MED13L: variants seen among roughly 807,000 people sequenced by gnomAD.
The protein encoded by MED13L is mediator complex subunit 13L, also known as mediator of RNA polymerase II transcription subunit 13-like.
MED13L carries 7 observed loss-of-function variants against 220.9 expected under a neutral mutation model. That is an observed-to-expected ratio of 0.03 (90% CI 0.02 to 0.06). The LOEUF is 0.06. Ranked by LOEUF, MED13L falls within the 10% of genes least tolerant of loss-of-function variation. The probability of loss-of-function intolerance (pLI) is 1.00; values close to 1 mark genes in which losing one functional copy is unlikely to be tolerated. For synonymous variants in MED13L, 1,011 were observed against 1,015.2 expected (o/e 1.00, Z 0.08); for missense variants, 1,965 against 2,760.5 (o/e 0.71, Z 6.46).
intron 1 of MED13L, among the ~76,000 whole-genome samples, chr12:116,244,516 T>G (rs561661902): frequency 6.6e-6 from 1 of 152,274 alleles, no homozygotes; most frequent in African/African-American, 2.4e-5. Flanking sequence ...GTAAGAAAAC[T>G]GAATCCTAAA....
At chr12:116,153,967 A>G (rs975171009) in intron 2 of MED13L, among the ~76,000 whole-genome samples, 2 of 152,190 alleles carry the variant, frequency 1.3e-5, no homozygotes, top group Non-Finnish European at 2.9e-5. Flanking sequence ...TGAAAGGAAA[A>G]CTACTCAATA....
intron 4 of MED13L, among the ~76,000 whole-genome samples, chr12:116,092,781 GT>G (rs1190273910): frequency 1.3e-5 from 2 of 151,996 alleles, no homozygotes; most frequent in Non-Finnish European, 2.9e-5. Context: ...GGTGGGGGGG[GT>G]GTGTGCACAT....
chr12:116,189,987 T>C (rs551168077), intron 2 of MED13L, among the ~76,000 whole-genome samples: 1 of 152,262 alleles, frequency 6.6e-6, no homozygotes, highest in African/African-American at 2.4e-5. Flanking sequence ...ATGTAAACAG[T>C]CATGTTATCT....
intron 2 of MED13L, among the ~76,000 whole-genome samples, chr12:116,158,644 A>T (rs1348151099): frequency 6.6e-6 from 1 of 152,226 alleles, no homozygotes; most frequent in Non-Finnish European, 1.5e-5. Flanking sequence ...ATCTACCAAC[A>T]AAGTGACAGA....
chr12:116,119,899 A>G (rs1874891201), intron 2 of MED13L, among the ~76,000 whole-genome samples: 1 of 144,260 alleles, frequency 6.9e-6, no homozygotes, highest in African/African-American at 2.6e-5. Context: ...AGAAGTCTTA[A>G]GAATTTGTAG....
intron 2 of MED13L, among the ~76,000 whole-genome samples, chr12:116,136,037 G>A (rs1319704721): frequency 6.6e-6 from 1 of 151,908 alleles, no homozygotes; most frequent in African/African-American, 2.4e-5. Context: ...CGAGTAGCTG[G>A]GATTACAGGC....
At chr12:116,211,278 C>G (rs1273767763) in intron 2 of MED13L, among the ~76,000 whole-genome samples, 3 of 152,144 alleles carry the variant, frequency 2.0e-5, no homozygotes, top group Non-Finnish European at 4.4e-5. Flanking sequence ...GAAATGTGTT[C>G]TGACACCAGG....
chr12:115,987,983 T>C (rs892883444), intron 17 of MED13L, among the ~76,000 whole-genome samples: 2 of 152,144 alleles, frequency 1.3e-5, no homozygotes, highest in Non-Finnish European at 2.9e-5. Flanking sequence ...CGCTTGGACA[T>C]ACGTATTTTT....
At chr12:116,041,698 G>A (rs548709828) in intron 4 of MED13L, among the ~76,000 whole-genome samples, 19 of 152,284 alleles carry the variant, frequency 1.2e-4, no homozygotes, top group Non-Finnish European at 1.5e-5. Context: ...AGCTGGGTGT[G>A]GTGGCAAGAA....
At chr12:116,242,995 A>T (rs1189043121) in intron 1 of MED13L, among the ~76,000 whole-genome samples, 1 of 152,172 alleles carries the variant, frequency 6.6e-6, no homozygotes. Flanking sequence ...AAAGTTCATA[A>T]ATCTTTCTTT....
At chr12:115,999,923 T>C (rs1326841641) in intron 14 of MED13L, among the ~76,000 whole-genome samples, 2 of 152,310 alleles carry the variant, frequency 1.3e-5, no homozygotes, top group Middle Eastern at 3.4e-3. Flanking sequence ...GTCTTTATCA[T>C]TGTTACTATC....
At chr12:116,234,179 T>C (rs1869844882) in intron 2 of MED13L, among the ~76,000 whole-genome samples, 1 of 152,128 alleles carries the variant, frequency 6.6e-6, no homozygotes, top group South Asian at 2.1e-4. Context: ...ATAATGGTAA[T>C]GTCATGCTTA....
intron 4 of MED13L, among the ~76,000 whole-genome samples, chr12:116,062,166 T>C (rs1869551043): frequency 6.6e-6 from 1 of 152,120 alleles, no homozygotes; most frequent in Non-Finnish European, 1.5e-5. Flanking sequence ...GTTTTTTGTT[T>C]TTTTGAGATG....
intron 14 of MED13L, 80 bp from the exon 15 acceptor site, chr12:115,997,310 T>C: frequency 8.7e-7 from 1 of 1,154,848 alleles, no homozygotes; most frequent in African/African-American, 1.5e-5. Context: ...GCGCACTCTT[T>C]GGCACCAAAA....
At chr12:116,007,891 C>G (rs1057495854) in intron 10 of MED13L, 3 of 503,008 alleles carry the variant, frequency 6.0e-6, no homozygotes, top group African/African-American at 5.8e-5. Flanking sequence ...GTGTCATTTA[C>G]TAACTGCATG....
At chr12:116,069,609 T>C (rs1433871129) in intron 4 of MED13L, among the ~76,000 whole-genome samples, 1 of 152,204 alleles carries the variant, frequency 6.6e-6, no homozygotes, top group African/African-American at 2.4e-5. Flanking sequence ...TTTGTGAATA[T>C]AGTATTTGAT....
At chr12:116,167,901 A>G (rs1394580252) in intron 2 of MED13L, among the ~76,000 whole-genome samples, 1 of 152,210 alleles carries the variant, frequency 6.6e-6, no homozygotes, top group Non-Finnish European at 1.5e-5. Context: ...AAACAAGTTT[A>G]TTTAATGATG....
At chr12:115,969,752 G>C (rs1876451324) in intron 27 of MED13L, among the ~76,000 whole-genome samples, 1 of 151,992 alleles carries the variant, frequency 6.6e-6, no homozygotes, top group South Asian at 2.1e-4. Flanking sequence ...TCAAATTCCT[G>C]ACCTCAAGGG....
chr12:116,130,893 C>G (rs1343892966), intron 2 of MED13L, among the ~76,000 whole-genome samples: 1 of 151,504 alleles, frequency 6.6e-6, no homozygotes, highest in Non-Finnish European at 1.5e-5. Flanking sequence ...TAAGAATTAA[C>G]TAGAAAAATA....
Sources: gnomAD v4.1 joint callset for allele counts (sites outside exome capture counted in the v4.1 genomes callset) on GRCh38, gnomAD v4.1.1 for gene constraint, MANE v1.5 for transcripts, NCBI Gene and HGNC (gene_info 2026-07-23, HGNC 2026-07-21) for gene names.